LMBRD1: variants seen among roughly 807,000 people sequenced by gnomAD.
LMBRD1 encodes lysosomal cobalamin transport escort protein LMBD1.
In LMBRD1, 64 loss-of-function variants were observed where a neutral mutation model predicts 74.8. The observed-to-expected ratio is 0.86, with a 90% CI of 0.70 to 1.05. LMBRD1 has a LOEUF of 1.05. LMBRD1 is among the 50% of genes least tolerant of loss of function. The pLI is 0.00. For missense variants in LMBRD1, 652 were observed against 645.9 expected (o/e 1.01, Z -0.10); for synonymous variants, 204 against 216.3 (o/e 0.94, Z 0.50).
intron 5 of LMBRD1, among the ~76,000 whole-genome samples, chr6:69,743,378 G>C (rs1436950551): frequency 6.6e-6 from 1 of 152,128 alleles, no homozygotes; most frequent in African/African-American, 2.4e-5. Context: ...GTCAGTTTTA[G>C]GTAATCAAAG....
chr6:69,755,588 T>TAAAAAAA (rs75543340), intron 3 of LMBRD1, among the ~76,000 whole-genome samples: 1 of 132,844 alleles, frequency 7.5e-6, no homozygotes, highest in Non-Finnish European at 1.6e-5. Flanking sequence ...TCCCAGAACT[T>TAAAAAAA]AAAAAAAAAA....
At position 69,701,476 on chromosome 6, in the gene LMBRD1, ATTAC is replaced by A; in HGVS notation, c.1046_1049del (p.Ser349IlefsTer3). ...GTAAAGGCAAAAGCATATTCAGTGGATTACTCAGGTTAGCTCCAAAAATTATGAA... is the reference window on the plus strand; with the variant it reads ...GTAAAGGCAAAAGCATATTCAGTGGATCAGGTTAGCTCCAAAAATTATGAA... On this transcript the variant is annotated frameshift_variant, in exon 11 of 16. Transcript: ENST00000649934. LOFTEE classifies it high-confidence loss of function. The A allele has an allele frequency of 6.2e-7, 1 of 1,606,734 alleles. No individual in the cohort carries two copies. Among genetic ancestry groups the A allele is most frequent in the African/African-American group, 1.3e-5 (1 of 74,758 alleles).
chr6:69,768,350 A>G (rs1261773234), intron 3 of LMBRD1, among the ~76,000 whole-genome samples: 1 of 151,912 alleles, frequency 6.6e-6, no homozygotes, highest in African/African-American at 2.4e-5. Context: ...TAAAATAAGT[A>G]TATTTTTGAG....
intron 5 of LMBRD1, among the ~76,000 whole-genome samples, chr6:69,749,015 T>G (rs1007333042): frequency 2.6e-5 from 4 of 151,980 alleles, no homozygotes; most frequent in Non-Finnish European, 4.4e-5. Context: ...ACACTTACTA[T>G]CCTGCAGAGA....
At chr6:69,700,704 G>A (rs2149844403) in intron 12 of LMBRD1, 61 bp downstream of exon 12, 1 of 1,115,146 alleles carries the variant, frequency 9.0e-7, no homozygotes. Context: ...AAGATAATTT[G>A]TAATTATGGA....
chr6:69,790,263 G>GA (rs761367941), intron 2 of LMBRD1, 33 bp downstream of exon 2: 60 of 1,500,472 alleles, frequency 4.0e-5, no homozygotes, highest in Admixed American at 1.9e-4. Flanking sequence ...AATTTGAAAG[G>GA]AAAAAAAATC....
Position 69,718,963 on chromosome 6 carries a change from T to C in LMBRD1, c.755A>G (p.Lys252Arg). 6.2e-7 allele frequency: 1 copy of C among 1,613,478 alleles called. No individual in the cohort carries two copies. Among genetic ancestry groups the C allele is most frequent in the Non-Finnish European group, 8.5e-7 (1 of 1,179,626 alleles). ...EEVEQHIQTI[K>R]SKSKDGRPLP... ...ACCAAAACATCAACTCACTTTTGAT[T>C]TAATCGTTTGAATGTGTTGTTCTAC... is the stretch of plus-strand genomic sequence containing the variant. Residue 252 changes from lysine (K) to arginine (R), a missense_variant, in exon 8 of 16, where the codon AAA becomes AGA. By Grantham distance (26) the Lys-to-Arg change is conservative. Around this residue, in one of 3 missense-constraint regions of LMBRD1, gnomAD observed 598 missense variants for 581.8 expected, o/e 1.03. Transcript: ENST00000649934.
chr6:69,718,907 A>T, intron 8 of LMBRD1, 49 bp downstream of exon 8: 2 of 1,601,202 alleles, frequency 1.2e-6, no homozygotes, highest in Non-Finnish European at 1.7e-6. Flanking sequence ...AAGCAGCTCT[A>T]AGACAAAGTA....
intron 3 of LMBRD1, among the ~76,000 whole-genome samples, chr6:69,760,234 TTAA>T (rs1026228498): frequency 6.6e-6 from 1 of 152,232 alleles, no homozygotes; most frequent in Admixed American, 6.5e-5. Context: ...TCCACACTGA[TTAA>T]TATGTGGCAT....
chr6:69,727,340 T>TA (rs1766758597), intron 7 of LMBRD1, among the ~76,000 whole-genome samples: 1 of 152,166 alleles, frequency 6.6e-6, no homozygotes, highest in African/African-American at 2.4e-5. Context: ...CCACGAAAAT[T>TA]AAAAATAATT....
intron 3 of LMBRD1, among the ~76,000 whole-genome samples, chr6:69,762,624 G>A (rs1008057956): frequency 2.0e-5 from 3 of 152,024 alleles, no homozygotes; most frequent in Admixed American, 1.3e-4. Context: ...TGGTGTCCCC[G>A]TAAAATCCAT....
intron 2 of LMBRD1, among the ~76,000 whole-genome samples, chr6:69,782,375 A>G (rs1765855228): frequency 2.0e-5 from 3 of 152,304 alleles, no homozygotes; most frequent in Admixed American, 6.5e-5. Flanking sequence ...TCAGTGAACT[A>G]CTTGTACCTA....
At chr6:69,796,525 C>G (rs1234019168) in intron 1 of LMBRD1, among the ~76,000 whole-genome samples, 1 of 152,192 alleles carries the variant, frequency 6.6e-6, no homozygotes, top group African/African-American at 2.4e-5. Flanking sequence ...GCCCCCAAAC[C>G]CCACCGGCCC....
chr6:69,753,610 G>C (rs922809900), intron 3 of LMBRD1, among the ~76,000 whole-genome samples: 2 of 152,162 alleles, frequency 1.3e-5, no homozygotes, highest in African/African-American at 4.8e-5. Flanking sequence ...GTTGAAAACA[G>C]ACTCTCGAAG....
intron 3 of LMBRD1, among the ~76,000 whole-genome samples, chr6:69,757,050 A>G (rs1415126672): frequency 6.6e-6 from 1 of 152,246 alleles, no homozygotes; most frequent in Non-Finnish European, 1.5e-5. Context: ...GCAGTGATCA[A>G]AAACTGGAAA....
intron 9 of LMBRD1, among the ~76,000 whole-genome samples, chr6:69,710,647 C>T (rs9454873): frequency 0.08 from 12,158 of 152,038 alleles, 647 homozygotes; most frequent in Admixed American, 0.15. Context: ...TAATAGAAAA[C>T]CCTAATTTAG....
intron 14 of LMBRD1, among the ~76,000 whole-genome samples, chr6:69,688,352 G>A (rs946967408): frequency 1.3e-5 from 2 of 150,242 alleles, no homozygotes. Context: ...CATTCTTTAT[G>A]TATTTGTATT....
chr6:69,795,561 CTTAT>C (rs987748619), intron 1 of LMBRD1, among the ~76,000 whole-genome samples: 7 of 152,316 alleles, frequency 4.6e-5, no homozygotes, highest in Admixed American at 2.0e-4. Context: ...ACATTACATG[CTTAT>C]TTATTTTTTT....
intron 7 of LMBRD1, among the ~76,000 whole-genome samples, chr6:69,730,929 T>G (rs1198526358): frequency 6.6e-6 from 1 of 152,066 alleles, no homozygotes; most frequent in Non-Finnish European, 1.5e-5. Context: ...GCAAAACATC[T>G]TAAATTTACA....
Sources: allele counts gnomAD v4.1 joint callset (sites outside exome capture counted in the v4.1 genomes callset), GRCh38; gene constraint gnomAD v4.1.1; regional missense constraint gnomAD v4.1.1; transcripts MANE v1.5; gene names NCBI Gene and HGNC (gene_info 2026-07-23, HGNC 2026-07-21).